Variants in UBE3C observed in about 807,000 individuals in gnomAD.
UBE3C encodes the protein ubiquitin protein ligase E3C.
A neutral mutation model predicts 129.4 loss-of-function variants in UBE3C; 42 were observed. The ratio of observed to expected loss-of-function variants is 0.32; its 90% confidence interval spans 0.25 to 0.42. UBE3C has a LOEUF of 0.42. UBE3C is among the 10% of genes least tolerant of loss of function. The probability of loss-of-function intolerance (pLI) is 1.00; values close to 1 mark genes in which losing one functional copy is unlikely to be tolerated. For synonymous variants in UBE3C, 510 were observed against 492.4 expected (o/e 1.04, Z -0.47); for missense variants, 1,049 against 1,319.1 (o/e 0.80, Z 3.17).
chr7:157,209,470 C>G (rs556800348), intron 13 of UBE3C, among the ~76,000 whole-genome samples: 2 of 152,322 alleles, frequency 1.3e-5, no homozygotes, highest in East Asian at 3.9e-4. Context: ...TAAAGATTGA[C>G]AAATTTGCAA....
chr7:157,208,304 G>A (rs1339015021), intron 13 of UBE3C, among the ~76,000 whole-genome samples: 1 of 151,788 alleles, frequency 6.6e-6, no homozygotes, highest in African/African-American at 2.4e-5. Flanking sequence ...TCAAATTCCT[G>A]GCCTCATGGA....
intron 22 of UBE3C, among the ~76,000 whole-genome samples, chr7:157,265,647 C>A (rs1325018928): frequency 3.3e-5 from 5 of 152,216 alleles, no homozygotes; most frequent in South Asian, 2.1e-4. Context: ...GAGCGAGACC[C>A]ATTATCAGAT....
chr7:157,220,874 C>A, intron 15 of UBE3C, 98 bp downstream of exon 15: 1 of 1,337,640 alleles, frequency 7.5e-7, no homozygotes, highest in Non-Finnish European at 1.0e-6. Context: ...TAAACTTATA[C>A]AGCCATGTCA....
chr7:157,207,465 A>G lies in UBE3C; in HGVS notation c.1486A>G (p.Ile496Val), dbSNP rs1438427570. Reference sequence around the variant, plus strand: ...TATGTCTTTTGAAGATTCTAGTCGAATCATCCCACTCTTTTATCTTTTTAG... The same window carrying G: ...TATGTCTTTTGAAGATTCTAGTCGAGTCATCCCACTCTTTTATCTTTTTAG... ...SPMSFEDSSR[I>V]IPLFYLFSSL... The change falls in exon 12 of 23, where the codon ATC becomes GTC. Residue 496 changes from isoleucine (I) to valine (V), a missense_variant. Physicochemically the swap from Ile to Val is conservative, Grantham distance 29. Transcript: ENST00000348165. 5.6e-6 allele frequency: 9 copies of G among 1,614,070 alleles called. No homozygotes were observed. The highest frequency in any genetic ancestry group is 6.8e-6 in the Non-Finnish European group (8 of 1,180,024).
intron 10 of UBE3C, among the ~76,000 whole-genome samples, chr7:157,196,250 A>G (rs532577100): frequency 1.3e-5 from 2 of 152,356 alleles, no homozygotes; most frequent in African/African-American, 4.8e-5. Context: ...TGTTAAAAGC[A>G]CCGCGAAACC....
intron 17 of UBE3C, among the ~76,000 whole-genome samples, chr7:157,226,181 T>C (rs1795873575): frequency 6.6e-6 from 1 of 152,190 alleles, no homozygotes; most frequent in African/African-American, 2.4e-5. Flanking sequence ...TAAATATTTA[T>C]ATGAAATCAC....
chr7:157,259,439 CAG>C (rs1473949309), intron 22 of UBE3C, among the ~76,000 whole-genome samples: 1 of 152,208 alleles, frequency 6.6e-6, no homozygotes, highest in African/African-American at 2.4e-5. Context: ...TATTTTCACA[CAG>C]TGTGTTTATG....
chr7:157,264,701 T>C (rs1042990635), intron 22 of UBE3C, among the ~76,000 whole-genome samples: 2 of 152,104 alleles, frequency 1.3e-5, no homozygotes, highest in African/African-American at 4.8e-5. Flanking sequence ...CCCGAGTAAT[T>C]GGAATTATTA....
intron 18 of UBE3C, among the ~76,000 whole-genome samples, chr7:157,232,237 C>A (rs1796040694): frequency 6.6e-6 from 1 of 152,196 alleles, no homozygotes; most frequent in Non-Finnish European, 1.5e-5. Context: ...GCAAATACCT[C>A]ATTTCCAAAG....
intron 14 of UBE3C, among the ~76,000 whole-genome samples, chr7:157,218,683 G>C (rs1795650285): frequency 1.3e-5 from 2 of 152,158 alleles, no homozygotes; most frequent in Non-Finnish European, 2.9e-5. Context: ...GTCCTGGCAG[G>C]GTGCTTGGCT....
At chr7:157,205,971 C>G (rs949873905) in intron 11 of UBE3C, among the ~76,000 whole-genome samples, 26 of 152,206 alleles carry the variant, frequency 1.7e-4, no homozygotes, top group African/African-American at 6.3e-4. Flanking sequence ...TTCTGCTTTG[C>G]TTTCATACAT....
chr7:157,211,826 C>T (rs1377917861), intron 13 of UBE3C, among the ~76,000 whole-genome samples: 1 of 152,214 alleles, frequency 6.6e-6, no homozygotes, highest in African/African-American at 2.4e-5. Context: ...CACAGGGTGC[C>T]TGTTCCTGCA....
chr7:157,162,135 T>TTATATATATATCAGTGTA (rs1473556454), intron 1 of UBE3C, among the ~76,000 whole-genome samples: 2 of 152,140 alleles, frequency 1.3e-5, no homozygotes, highest in African/African-American at 4.8e-5. Context: ...GTGTATAATT[T>TTATATATATATCAGTGTA]TAAGTTGGCT....
At chr7:157,249,699 A>G (rs1381635344) in intron 19 of UBE3C, among the ~76,000 whole-genome samples, 3 of 152,190 alleles carry the variant, frequency 2.0e-5, no homozygotes, top group East Asian at 1.9e-4. Context: ...ATATTCCATT[A>G]TATGGATATA....
intron 1 of UBE3C, among the ~76,000 whole-genome samples, chr7:157,152,969 G>T (rs147755224): frequency 1.3e-5 from 2 of 152,144 alleles, no homozygotes; most frequent in Non-Finnish European, 2.9e-5. Context: ...GCTGAGGGGG[G>T]TGGATTGCCT....
intron 1 of UBE3C, among the ~76,000 whole-genome samples, chr7:157,152,963 A>AG (rs1174739022): frequency 6.6e-6 from 1 of 152,136 alleles, no homozygotes; most frequent in East Asian, 1.9e-4. Context: ...TGGGAGGCTG[A>AG]GGGGGGTGGA....
Position 157,161,422 on chromosome 7 carries a change from A to G in UBE3C, c.67-2388A>G, listed in dbSNP as rs564490942. Among the ~76,000 whole-genome samples the G allele has an allele frequency of 1.8e-4, 27 of 151,788 alleles. 1 individual carries two copies. In the South Asian group the frequency reaches 5.6e-3, roughly 32 times the overall value. On this transcript the variant is annotated intron_variant, in intron 1 of 22. Transcript: ENST00000348165. The stretch of plus-strand genomic sequence containing the variant: ...TTTATGTGAAATTTTCTTTGATAGA[A>G]AGTATCTGGAGGATTAATTTCTTTG...
At chr7:157,247,497 G>A (rs149026482) in intron 18 of UBE3C, among the ~76,000 whole-genome samples, 95 of 152,286 alleles carry the variant, frequency 6.2e-4, no homozygotes, top group African/African-American at 2.2e-3. Flanking sequence ...TTTGAGAAAA[G>A]CCTGGCCAAT....
chr7:157,255,244 T>G (rs1399426945), intron 21 of UBE3C, among the ~76,000 whole-genome samples: 1 of 152,204 alleles, frequency 6.6e-6, no homozygotes, highest in East Asian at 1.9e-4. Context: ...GCATCATTAG[T>G]CATTATAGAA....
Sources: gnomAD v4.1 joint callset for allele counts (sites outside exome capture counted in the v4.1 genomes callset) on GRCh38, gnomAD v4.1.1 for gene constraint, MANE v1.5 for transcripts, NCBI Gene and HGNC (gene_info 2026-07-23, HGNC 2026-07-21) for gene names.